AMPD2: variants seen among roughly 807,000 people sequenced by gnomAD.
AMPD2 encodes the protein AMP deaminase 2.
A neutral mutation model predicts 91.3 loss-of-function variants in AMPD2; 52 were observed. The ratio of observed to expected loss-of-function variants is 0.57; its 90% CI spans 0.46 to 0.72. AMPD2 has a LOEUF of 0.72. Ranked by LOEUF, AMPD2 falls within the 30% of genes least tolerant of loss-of-function variation. The pLI, the probability that AMPD2 is intolerant of heterozygous loss-of-function variation, is 0.00. For synonymous variants in AMPD2, 455 were observed against 456.4 expected (o/e 1.00, Z 0.04); for missense variants, 822 against 1,122.3 (o/e 0.73, Z 3.82).
At position 109,627,766 on chromosome 1, in the gene AMPD2, A is replaced by T. The variant is rs369404045; in HGVS notation, c.951-8A>T. 1 of 1,613,528 alleles carries T rather than the reference A, an allele frequency of 6.2e-7. No individual in the cohort carries two copies. The highest frequency in any genetic ancestry group is 1.7e-5 in the Admixed American group (1 of 59,974). On this transcript the variant is annotated splice_polypyrimidine_tract_variant and splice_region_variant and intron_variant, in intron 9 of 18. Transcript: ENST00000528667. ...CCTAAGTCCCTGCCTTGTTCTCCTCATGCCCAGAAAGTCATTCTGCTACCG... is the reference window on the plus strand; with the variant it reads ...CCTAAGTCCCTGCCTTGTTCTCCTCTTGCCCAGAAAGTCATTCTGCTACCG...
At position 109,620,994 on chromosome 1, in the gene AMPD2, C is replaced by T. The variant is rs1295806118; in HGVS notation, c.-182C>T. The stretch of plus-strand genomic sequence containing the variant: ...AGGGGCAGAGATGGAGGCCCCACTC[C>T]CCGAGGTTGCCTAGACAACATGAGA... On this transcript the variant is annotated 5_prime_UTR_variant, in exon 2 of 19. Coordinates refer to ENST00000528667, the MANE Select transcript of AMPD2 (RefSeq NM_001368809.2). The T allele has an allele frequency of 6.4e-7, 1 of 1,560,554 alleles. No individual in the cohort carries two copies. The highest frequency in any genetic ancestry group is 1.4e-5 in the African/African-American group (1 of 73,988).
intron 10 of AMPD2, 90 bp downstream of exon 10, chr1:109,627,993 C>G (rs1650854968): frequency 1.2e-6 from 2 of 1,601,662 alleles, no homozygotes; most frequent in African/African-American, 2.7e-5. Context: ...CACACAGCAT[C>G]CAGTACAGAG....
intron 17 of AMPD2, 29 bp downstream of exon 17, chr1:109,630,435 C>A (rs772949899): frequency 8.9e-7 from 1 of 1,118,724 alleles, no homozygotes; most frequent in South Asian, 1.6e-5. Context: ...GCCAGGCGGG[C>A]GGGCGTCCCA....
chr1:109,619,995 C>T lies in AMPD2; in HGVS notation c.-546C>T. On this transcript the variant is annotated 5_prime_UTR_variant, in exon 1 of 19. It adds an upstream start codon to the 5' untranslated region. Transcript: ENST00000528667. ...TTCGGGTCCCGCTCCCTTGGGAGCA[C>T]GTGGCCTACCAGCCTCTCGATTGCA... The T allele has an allele frequency of 2.0e-6, 1 of 508,282 alleles. No individual in the cohort carries two copies. The highest frequency in any genetic ancestry group is 3.6e-6 in the Non-Finnish European group (1 of 277,272). 31.5% of individuals were successfully genotyped at this position (508,282 alleles called of 1,614,324 possible).
Position 109,627,895 on chromosome 1 carries a change from A to T in AMPD2, c.1072A>T (p.Ile358Phe), listed in dbSNP as rs1195759768. ...AGTGCCACACCGAGATTTCTACAAC[A>T]TCCGCAAGGTGGGCCCTCACCCCGT... Reference protein sequence around the residue: ...KKVPHRDFYNIRKVDTHIHAS... With the variant: ...KKVPHRDFYNFRKVDTHIHAS... The change falls in exon 10 of 19, where the codon ATC (isoleucine) becomes TTC (phenylalanine). Residue 358 changes from isoleucine to phenylalanine, a missense_variant. Around this residue, in one of 5 missense-constraint regions of AMPD2, gnomAD observed 37 missense variants for 84.8 expected, o/e 0.44. Coordinates refer to ENST00000528667, the MANE Select transcript of AMPD2 (RefSeq NM_001368809.2). 6.2e-7 allele frequency: 1 copy of T among 1,613,864 alleles called. No homozygotes were observed. Among genetic ancestry groups the T allele is most frequent in the Non-Finnish European group, 8.5e-7 (1 of 1,180,006 alleles).
intron 17 of AMPD2, 97 bp from the exon 18 acceptor site, chr1:109,630,586 G>C (rs1325387403): frequency 2.5e-6 from 2 of 789,748 alleles, no homozygotes; most frequent in East Asian, 7.2e-5. Flanking sequence ...GGGGGGATGG[G>C]GGGGCGGGGG....
chr1:109,623,558 C>G (rs951274022), intron 2 of AMPD2, among the ~76,000 whole-genome samples: 1 of 152,212 alleles, frequency 6.6e-6, no homozygotes, highest in Non-Finnish European at 1.5e-5. Flanking sequence ...GGCCCTGTCT[C>G]TCCTGAGGGA....
At chr1:109,626,682 T>C in intron 6 of AMPD2, 44 bp from the exon 7 acceptor site, 5 of 1,581,846 alleles carry the variant, frequency 3.2e-6, no homozygotes, top group Non-Finnish European at 2.6e-6. Flanking sequence ...AGGAGGTCTC[T>C]GAGTCCAAGA....
chr1:109,628,082 G>C lies in AMPD2; in HGVS notation c.1081-1G>C. ...ATCAGCAGTGCCCTGTTCCATTCCAGGTGGACACCCACATCCATGCCTCGT... is the reference window on the plus strand; with the variant it reads ...ATCAGCAGTGCCCTGTTCCATTCCACGTGGACACCCACATCCATGCCTCGT... On this transcript the variant is annotated splice_acceptor_variant, in intron 10 of 18. Coordinates refer to ENST00000528667, the MANE Select transcript of AMPD2 (RefSeq NM_001368809.2). LOFTEE classifies it high-confidence loss of function. This position sits in a 1 kb window ranked among gnomAD's most constrained non-coding sequence, Gnocchi z 7.1. 1 of 1,612,872 alleles carries C rather than the reference G, an allele frequency of 6.2e-7. No homozygotes were observed. The highest frequency in any genetic ancestry group is 8.5e-7 in the Non-Finnish European group (1 of 1,179,288).
At chr1:109,622,283 C>T (rs1431011424) in intron 2 of AMPD2, 1 of 456,176 alleles carries the variant, frequency 2.2e-6, no homozygotes, top group African/African-American at 2.0e-5. Flanking sequence ...CTTCCTGGCC[C>T]TGTTTGGTTC....
At position 109,624,181 on chromosome 1, in the gene AMPD2, C is replaced by A; in HGVS notation, c.92-1122C>A. 1.5e-6 allele frequency: 1 copy of A among 680,194 alleles called. No homozygotes were observed. Among genetic ancestry groups the A allele is most frequent in the Non-Finnish European group, 1.8e-6 (1 of 550,806 alleles). 42.1% of individuals were successfully genotyped at this position (680,194 alleles called of 1,614,324 possible). On this transcript the variant is annotated intron_variant, in intron 2 of 18. Coordinates refer to ENST00000528667, the MANE Select transcript of AMPD2 (RefSeq NM_001368809.2). This position sits in a 1 kb window ranked among gnomAD's most constrained non-coding sequence, Gnocchi z 5.2. ...TCTTCCCTTTGTCCAGCTTTGGGACCAGTCCTGGAGTATTGGGAAATGGGC... is the reference window on the plus strand; with the variant it reads ...TCTTCCCTTTGTCCAGCTTTGGGACAAGTCCTGGAGTATTGGGAAATGGGC...
In AMPD2 at chr1:109,627,762, C is replaced by T. The variant is rs754617764; in HGVS notation, c.951-12C>T. 1 of 1,613,792 alleles carries T rather than the reference C, an allele frequency of 6.2e-7. No homozygotes were observed. Among genetic ancestry groups the T allele is most frequent in the South Asian group, 1.1e-5 (1 of 91,016 alleles). On this transcript the variant is annotated splice_polypyrimidine_tract_variant and intron_variant, in intron 9 of 18. Transcript: ENST00000528667. ...AGGGCCTAAGTCCCTGCCTTGTTCT[C>T]CTCATGCCCAGAAAGTCATTCTGCT...
intron 10 of AMPD2, 83 bp from the exon 11 acceptor site, chr1:109,628,000 A>C: frequency 6.3e-7 from 1 of 1,599,426 alleles, no homozygotes; most frequent in Non-Finnish European, 8.5e-7. Context: ...CATCCAGTAC[A>C]GAGGGTCCTT....
chr1:109,622,715 C>T (rs1023062939), intron 2 of AMPD2, among the ~76,000 whole-genome samples: 1 of 152,074 alleles, frequency 6.6e-6, no homozygotes, highest in Non-Finnish European at 1.5e-5. Flanking sequence ...GGAATCTGTC[C>T]TGCTCACCCC....
intron 2 of AMPD2, among the ~76,000 whole-genome samples, chr1:109,623,244 G>A (rs528638023): frequency 6.6e-6 from 1 of 152,252 alleles, no homozygotes; most frequent in South Asian, 2.1e-4. Context: ...GGCTAGGCAG[G>A]GAAGGGACCA....
chr1:109,620,191 C>A lies in AMPD2; in HGVS notation c.-350C>A. The A allele has an allele frequency of 6.2e-7, 1 of 1,602,718 alleles. No homozygotes were observed. Among genetic ancestry groups the A allele is most frequent in the South Asian group, 1.1e-5 (1 of 90,816 alleles). On this transcript the variant is annotated 5_prime_UTR_variant, in exon 1 of 19. Coordinates refer to ENST00000528667, the MANE Select transcript of AMPD2 (RefSeq NM_001368809.2). ...CTTGGCTGGGGTCTGTGGCCCGATCCCCCTGCCGTCCCTCAGGACCCGGGC... is the reference window on the plus strand; with the variant it reads ...CTTGGCTGGGGTCTGTGGCCCGATCACCCTGCCGTCCCTCAGGACCCGGGC...
chr1:109,630,062 C>A, intron 16 of AMPD2, 146 bp downstream of exon 16: 1 of 1,428,038 alleles, frequency 7.0e-7, no homozygotes, highest in Admixed American at 1.9e-5. Context: ...CCACCCCAGC[C>A]TTCAGCCTGG....
rs1253308802 is a variant in AMPD2 at position 109,628,840 on chromosome 1, G to A, written c.1571+34G>A. The A allele has an allele frequency of 3.9e-6, 6 of 1,541,938 alleles. No homozygotes were observed. The Admixed American group carries it at 1.2e-4, about 30-fold the overall frequency. ...CCCTGGAGTGGGAGGGGAACCTGCGGGGTCATATTCAAGGGGTCAGGGCCT... is the reference window on the plus strand; with the variant it reads ...CCCTGGAGTGGGAGGGGAACCTGCGAGGTCATATTCAAGGGGTCAGGGCCT... On this transcript the variant is annotated intron_variant, in intron 13 of 18. Coordinates refer to ENST00000528667, the MANE Select transcript of AMPD2 (RefSeq NM_001368809.2). This position sits in a 1 kb window ranked among gnomAD's most constrained non-coding sequence, Gnocchi z 7.1.
rs1038355108 is a variant in AMPD2 at position 109,629,221 on chromosome 1, CTCT to C, written c.1689_1691del (p.Phe563del). ...CCCTGCCAGCCACCCGGAACTGCAT[CTCT>C]TCTTAGAGCACGTGAGCAGGCAGCG... is the stretch of plus-strand genomic sequence containing the variant. On this transcript the variant is annotated inframe_deletion, in exon 14 of 19. Coordinates refer to ENST00000528667, the MANE Select transcript of AMPD2 (RefSeq NM_001368809.2). 11 of 1,614,060 alleles carry C rather than the reference CTCT, an allele frequency of 6.8e-6. No homozygotes were observed. Among genetic ancestry groups the C allele is most frequent in the Non-Finnish European group, 9.3e-6 (11 of 1,180,040 alleles).
Sources: gnomAD v4.1 joint callset for allele counts (sites outside exome capture counted in the v4.1 genomes callset) on GRCh38, gnomAD v4.1.1 for gene constraint, gnomAD v4.1.1 regional missense constraint, Gnocchi (gnomAD v3.1) non-coding constraint, MANE v1.5 for transcripts, NCBI Gene and HGNC (gene_info 2026-07-23, HGNC 2026-07-21) for gene names.